Variants in CALB2 observed in about 807,000 individuals in gnomAD.
CALB2 encodes the protein calretinin.
A neutral mutation model predicts 45.9 loss-of-function variants in CALB2; 34 were observed. The observed-to-expected ratio is 0.74, with a 90% confidence interval of 0.56 to 0.99. The LOEUF (loss-of-function observed/expected upper bound fraction) is 0.99, where lower values mean the gene tolerates loss of function less well. CALB2 is among the 50% of genes least tolerant of loss of function. The probability of loss-of-function intolerance (pLI) is 0.00; values close to 1 mark genes in which losing one functional copy is unlikely to be tolerated. For synonymous variants in CALB2, 142 were observed against 129.6 expected (o/e 1.10, Z -0.65); for missense variants, 344 against 339.3 (o/e 1.01, Z -0.11).
chr16:71,382,592 ATG>A (rs1309069444), intron 4 of CALB2, 125 bp from the exon 5 acceptor site: 19 of 848,452 alleles, frequency 2.2e-5, no homozygotes, highest in Non-Finnish European at 3.0e-5. Context: ...CATCATCTCC[ATG>A]TCTCCATCCC....
intron 2 of CALB2, among the ~76,000 whole-genome samples, chr16:71,374,531 G>C (rs2042389118): frequency 6.6e-6 from 1 of 152,190 alleles, no homozygotes; most frequent in South Asian, 2.1e-4. Context: ...CGTGTCCTTT[G>C]AAATTTATAT....
At chr16:71,378,850 C>A (rs1253529455) in intron 4 of CALB2, among the ~76,000 whole-genome samples, 1 of 152,138 alleles carries the variant, frequency 6.6e-6, no homozygotes, top group East Asian at 1.9e-4. Flanking sequence ...AGTCAGAGTT[C>A]CAAGAAGCAG....
intron 3 of CALB2, among the ~76,000 whole-genome samples, chr16:71,375,904 TG>T (rs1287290914): frequency 6.6e-6 from 1 of 152,196 alleles, no homozygotes; most frequent in Admixed American, 6.5e-5. Flanking sequence ...AGGGGACCTG[TG>T]GAACTTCCCC....
chr16:71,384,323 A>G lies in CALB2; in HGVS notation c.534-16A>G, dbSNP rs756527818. ...TGTGCAGTCTCCTCATCTCTGCTCT[A>G]ACATTTTCTCCCCAGACTCCTGCCT... On this transcript the variant is annotated splice_polypyrimidine_tract_variant and intron_variant, in intron 7 of 10. Transcript: ENST00000302628. 4.3e-6 allele frequency: 7 copies of G among 1,612,074 alleles called. No individual in the cohort carries two copies. The highest frequency in any genetic ancestry group is 1.3e-5 in the African/African-American group (1 of 74,756).
At position 71,367,821 on chromosome 16, in the gene CALB2, G is replaced by A. The variant is rs74025966; in HGVS notation, c.95-4332G>A. Among the ~76,000 whole-genome samples, 738 of 152,200 alleles carry A rather than the reference G, an allele frequency of 4.8e-3. 12 individuals are homozygous for A. The highest frequency in any genetic ancestry group is 0.017 in the African/African-American group (703 of 41,534). Reference sequence around the variant, plus strand: ...GGGAGGTAGTGGAATTCCTAGTGTGGGGAGGGGGGTTCCTCCTGCCCCGGG... The same window carrying A: ...GGGAGGTAGTGGAATTCCTAGTGTGAGGAGGGGGGTTCCTCCTGCCCCGGG... On this transcript the variant is annotated intron_variant, in intron 1 of 10. Coordinates refer to ENST00000302628, the MANE Select transcript of CALB2 (RefSeq NM_001740.5).
intron 3 of CALB2, among the ~76,000 whole-genome samples, chr16:71,375,222 C>T (rs1358038939): frequency 6.6e-6 from 1 of 152,206 alleles, no homozygotes; most frequent in African/African-American, 2.4e-5. Context: ...CACATATATA[C>T]ATTTATAATT....
chr16:71,384,264 G>T lies in CALB2; in HGVS notation c.534-75G>T, dbSNP rs903963877. On this transcript the variant is annotated intron_variant, in intron 7 of 10. Coordinates refer to ENST00000302628, the MANE Select transcript of CALB2 (RefSeq NM_001740.5). ...AATCATTTCTGTAACTGCAGGCACCGCCTCTGCCTTCCCCTCTCCCGCTTG... is the reference window on the plus strand; with the variant it reads ...AATCATTTCTGTAACTGCAGGCACCTCCTCTGCCTTCCCCTCTCCCGCTTG... 5 of 1,251,990 alleles carry T rather than the reference G, an allele frequency of 4.0e-6. No individual in the cohort carries two copies. In the African/African-American group the frequency reaches 7.4e-5, roughly 19 times the overall value. The allele number at this position is 1,251,990 out of a possible 1,614,324, so 77.6% of individuals were successfully genotyped here. A position where few individuals can be genotyped will look rare whatever the true frequency, so the allele number is the denominator to read the frequency against.
intron 3 of CALB2, among the ~76,000 whole-genome samples, chr16:71,377,201 T>C (rs1447693696): frequency 6.6e-6 from 1 of 152,224 alleles, no homozygotes; most frequent in Non-Finnish European, 1.5e-5. Context: ...CCATTTGAAG[T>C]GTAAAATTCC....
intron 1 of CALB2, among the ~76,000 whole-genome samples, chr16:71,367,889 C>T (rs539211235): frequency 5.3e-5 from 8 of 152,282 alleles, no homozygotes; most frequent in Non-Finnish European, 5.9e-5. Context: ...TTCAGAGAGG[C>T]GGCTTCTCTC....
intron 4 of CALB2, among the ~76,000 whole-genome samples, chr16:71,380,264 T>TTTC (rs1464716365): frequency 7.0e-6 from 1 of 143,520 alleles, no homozygotes; most frequent in Non-Finnish European, 1.6e-5. Flanking sequence ...ATTTCTTTCT[T>TTTC]TTCTTTCTTT....
intron 2 of CALB2, 21 bp downstream of exon 2, chr16:71,372,250 G>A (rs747652600): frequency 2.7e-5 from 43 of 1,574,916 alleles, no homozygotes; most frequent in Admixed American, 3.5e-5. Context: ...CCCTGTCTCC[G>A]ATTGTGTGGG....
intron 5 of CALB2, 67 bp from the exon 6 acceptor site, chr16:71,383,300 A>C: frequency 7.2e-7 from 1 of 1,385,988 alleles, no homozygotes; most frequent in East Asian, 2.4e-5. Flanking sequence ...TGAATGAGCA[A>C]GTAAGGAAAT....
intron 4 of CALB2, 72 bp downstream of exon 4, chr16:71,377,819 C>A: frequency 1.9e-6 from 2 of 1,078,172 alleles, no homozygotes; most frequent in South Asian, 1.3e-5. Context: ...GCCAGGCCCA[C>A]CCTCCTGCCT....
chr16:71,359,818 C>T (rs546931241), intron 1 of CALB2, among the ~76,000 whole-genome samples: 4 of 152,366 alleles, frequency 2.6e-5, no homozygotes, highest in African/African-American at 7.2e-5. Flanking sequence ...TCCCTCTCTA[C>T]GCACAGACCT....
Position 71,372,039 on chromosome 16 carries a change from C to G in CALB2, c.95-114C>G, listed in dbSNP as rs997423607. On this transcript the variant is annotated intron_variant, in intron 1 of 10. Coordinates refer to ENST00000302628, the MANE Select transcript of CALB2 (RefSeq NM_001740.5). ...ACCCCTAGCTCCACTGGCCTAGACACCTGCCTGTTGGCCAGCTGGGAGAAG... is the reference window on the plus strand; with the variant it reads ...ACCCCTAGCTCCACTGGCCTAGACAGCTGCCTGTTGGCCAGCTGGGAGAAG... 6 of 778,434 alleles carry G rather than the reference C, an allele frequency of 7.7e-6. No individual in the cohort carries two copies. In the African/African-American group the frequency reaches 1.0e-4, roughly 13 times the overall value. The allele number at this position is 778,434 out of a possible 1,614,324, so 48.2% of individuals were successfully genotyped here. A position where few individuals can be genotyped will look rare whatever the true frequency, so the allele number is the denominator to read the frequency against.
chr16:71,383,576 G>T (rs772471993), intron 6 of CALB2, 132 bp downstream of exon 6: 1 of 783,778 alleles, frequency 1.3e-6, no homozygotes, highest in Non-Finnish European at 2.1e-6. Context: ...GTGGCAGCTG[G>T]CAAAAAGGGA....
chr16:71,374,267 A>G (rs1240836999), intron 2 of CALB2, among the ~76,000 whole-genome samples: 5 of 152,214 alleles, frequency 3.3e-5, no homozygotes, highest in Non-Finnish European at 7.3e-5. Context: ...ATCAAGAGTG[A>G]AAATATTGTG....
Position 71,375,823 on chromosome 16 carries a change from C to T in CALB2, c.261+989C>T, listed in dbSNP as rs999849065. Among the ~76,000 whole-genome samples the T allele has an allele frequency of 2.6e-5, 4 of 152,312 alleles. No homozygotes were observed. The South Asian group carries it at 6.2e-4, about 24-fold the overall frequency. The stretch of plus-strand genomic sequence containing the variant: ...CCACAGAGTGGGTCCCACTTTGAGG[C>T]AAGGGGGCTGGTCTGTTGTACCCCT... On this transcript the variant is annotated intron_variant, in intron 3 of 10. Coordinates refer to ENST00000302628, the MANE Select transcript of CALB2 (RefSeq NM_001740.5).
At chr16:71,385,669 C>T (rs1253856867) in intron 10 of CALB2, 21 bp downstream of exon 10, 2 of 1,608,172 alleles carry the variant, frequency 1.2e-6, no homozygotes, top group East Asian at 2.2e-5. Flanking sequence ...AAGCCTGAGG[C>T]CCGGCCACTG....
Sources: gnomAD v4.1 joint callset for allele counts (sites outside exome capture counted in the v4.1 genomes callset) on GRCh38, gnomAD v4.1.1 for gene constraint, MANE v1.5 for transcripts, NCBI Gene and HGNC (gene_info 2026-07-23, HGNC 2026-07-21) for gene names.